Variants in SELENOT observed in about 807,000 individuals in gnomAD.
The protein encoded by SELENOT is selenoprotein T.
A neutral mutation model predicts 24.3 loss-of-function variants in SELENOT; 9 were observed. The ratio of observed to expected loss-of-function variants is 0.37; its 90% CI spans 0.22 to 0.65. The LOEUF (loss-of-function observed/expected upper bound fraction) is 0.65. Ranked by LOEUF, SELENOT falls within the 30% of genes least tolerant of loss-of-function variation. The pLI is 0.60. For synonymous variants in SELENOT, 81 were observed against 86.0 expected, an observed-to-expected ratio of 0.94 and a Z score of 0.32; for missense variants, 166 against 247.6, an observed-to-expected ratio of 0.67 and a Z score of 2.21.
rs537466095 is a variant in SELENOT, at chr3:150,611,493, G to A, written c.137+7994G>A. 23 of 1,153,226 alleles carry A rather than the reference G, an allele frequency of 2.0e-5. No individual in the cohort carries two copies. The East Asian group carries it at 4.9e-4, about 25-fold the overall frequency. 71.4% of individuals were successfully genotyped at this position (1,153,226 alleles called of 1,614,324 possible). A position where few individuals can be genotyped will look rare whatever the true frequency, so the allele number is the denominator to read the frequency against. On this transcript the variant is annotated intron_variant, in intron 1 of 5. Coordinates refer to ENST00000471696, the MANE Select transcript of SELENOT (RefSeq NM_016275.5). The stretch of plus-strand genomic sequence containing the variant: ...GGTATAAATCAACCTCTGGGGTATC[G>A]AAATCTTGAACAGGTGAATCACCTC...
chr3:150,611,675 G>A lies in SELENOT; in HGVS notation c.137+8176G>A. The A allele has an allele frequency of 3.7e-6, 6 of 1,602,212 alleles. No individual in the cohort carries two copies. In the East Asian group the frequency reaches 6.7e-5, roughly 18 times the overall value. On this transcript the variant is annotated intron_variant, in intron 1 of 5. Transcript: ENST00000471696. ...GGATCCTCTTGCTGAAGCTGGCGTT[G>A]CCTGCTGCCCGACCGCACCGCTCAC...
At chr3:150,609,081 G>A (rs989952727) in intron 1 of SELENOT, among the ~76,000 whole-genome samples, 5 of 152,132 alleles carry the variant, frequency 3.3e-5, no homozygotes, top group African/African-American at 1.2e-4. Context: ...CAGTTCTTAG[G>A]GGGAATGCTT....
intron 1 of SELENOT, chr3:150,603,709 T>C (rs1327489273): frequency 1.9e-6 from 1 of 537,498 alleles, no homozygotes; most frequent in Non-Finnish European, 3.2e-6. Flanking sequence ...ACTTGTTTTT[T>C]GCCTCCTAGA....
At chr3:150,611,926 G>A in intron 1 of SELENOT, 2 of 941,016 alleles carry the variant, frequency 2.1e-6, no homozygotes, top group South Asian at 3.1e-5. Context: ...CCACTCTCCT[G>A]GCCGCTCCGT....
Position 150,629,524 on chromosome 3 carries a change from A to AT in SELENOT, c.*1896dup, listed in dbSNP as rs1028948887. On this transcript the variant is annotated 3_prime_UTR_variant, in exon 6 of 6. Transcript: ENST00000471696. ...TTCCACTAGTGCCATAGTTAACTTC[A>AT]TGACATGTAGACATTCAAAACTTGA... is the stretch of plus-strand genomic sequence containing the variant. The AT allele has an allele frequency of 2.0e-5, 3 of 152,634 alleles. No individual in the cohort carries two copies. Among genetic ancestry groups the AT allele is most frequent in the Non-Finnish European group, 4.4e-5 (3 of 68,036 alleles). The allele number at this position is 152,634 out of a possible 1,614,324, so 9.5% of individuals were successfully genotyped here.
intron 1 of SELENOT, among the ~76,000 whole-genome samples, chr3:150,612,734 G>A (rs1283978165): frequency 2.0e-5 from 3 of 152,288 alleles, no homozygotes; most frequent in Admixed American, 2.0e-4. Flanking sequence ...CTGCTGGTAA[G>A]CCTATTTTAT....
At position 150,603,323 on chromosome 3, in the gene SELENOT, A is replaced by T. The variant is rs772142117; in HGVS notation, c.-40A>T. 2.5e-6 allele frequency: 4 copies of T among 1,591,772 alleles called. No individual in the cohort carries two copies. Among genetic ancestry groups the T allele is most frequent in the Non-Finnish European group, 3.4e-6 (4 of 1,164,346 alleles). On this transcript the variant is annotated 5_prime_UTR_variant, in exon 1 of 6. Coordinates refer to ENST00000471696, the MANE Select transcript of SELENOT (RefSeq NM_016275.5). The stretch of plus-strand genomic sequence containing the variant: ...CGCTCCTGGGCTTTGGGCTGGCTGC[A>T]GTCTGTCTGAGGGCGGCCGAAGTGG...
At chr3:150,610,027 T>G (rs1726055351) in intron 1 of SELENOT, among the ~76,000 whole-genome samples, 1 of 152,236 alleles carries the variant, frequency 6.6e-6, no homozygotes. Context: ...GTTTAATGTT[T>G]TAAAAGGTAA....
At chr3:150,627,206 T>G in intron 5 of SELENOT, 43 bp downstream of exon 5, 6 of 1,412,482 alleles carry the variant, frequency 4.2e-6, no homozygotes, top group Non-Finnish European at 5.8e-6. Context: ...TTTCTGTTGA[T>G]TCTTATGACT....
In SELENOT at chr3:150,603,478, C is replaced by T. The variant is rs1251859829; in HGVS notation, c.116C>T (p.Pro39Leu). The T allele has an allele frequency of 1.2e-6, 2 of 1,607,680 alleles. No homozygotes were observed. Among genetic ancestry groups the T allele is most frequent in the Non-Finnish European group, 8.5e-7 (1 of 1,175,664 alleles). ...KRLKMQYATGPLLKFQICVSU... is the reference protein window; with the variant it reads ...KRLKMQYATGLLLKFQICVSU... Reference sequence around the variant, plus strand: ...TTAAAGATGCAGTACGCCACGGGGCCGCTGCTCAAGTTCCAGATTTGGTGA... The same window carrying T: ...TTAAAGATGCAGTACGCCACGGGGCTGCTGCTCAAGTTCCAGATTTGGTGA... The change falls in exon 1 of 6, where the codon CCG becomes CTG. Residue 39 changes from proline (P) to leucine (L), a missense_variant. Physicochemically the swap from Pro to Leu is moderately conservative, Grantham distance 98. Coordinates refer to ENST00000471696, the MANE Select transcript of SELENOT (RefSeq NM_016275.5).
At position 150,629,657 on chromosome 3, in the gene SELENOT, A is replaced by G. The variant is rs1475492963; in HGVS notation, c.*2028A>G. The G allele has an allele frequency of 6.6e-6, 1 of 152,622 alleles. No individual in the cohort carries two copies. The highest frequency in any genetic ancestry group is 1.9e-4 in the East Asian group (1 of 5,204). The allele number at this position is 152,622 out of a possible 1,614,324, so 9.5% of individuals were successfully genotyped here. A position where few individuals can be genotyped will look rare whatever the true frequency, so the allele number is the denominator to read the frequency against. ...TTGAATAACTTATCTTTTGGAGAAT[A>G]GCTTTAAGTGGCTTAGACACTGATA... is the stretch of plus-strand genomic sequence containing the variant. On this transcript the variant is annotated 3_prime_UTR_variant, in exon 6 of 6. Coordinates refer to ENST00000471696, the MANE Select transcript of SELENOT (RefSeq NM_016275.5).
chr3:150,622,452 A>G lies in SELENOT; in HGVS notation c.205A>G (p.Ile69Val). Residue 69 changes from isoleucine (I) to valine (V), a missense_variant, in exon 2 of 6, where the codon ATC becomes GTC. By Grantham distance (29) the Ile-to-Val change is conservative. Transcript: ENST00000471696. Reference sequence around the variant, plus strand: ...GGTTATTAGCCAGCGGTACCCAGACATCCGCATTGAAGGAGAGAATTACCT... The same window carrying G: ...GGTTATTAGCCAGCGGTACCCAGACGTCCGCATTGAAGGAGAGAATTACCT... ...MRVISQRYPD[I>V]RIEGENYLPQ... The G allele has an allele frequency of 6.6e-7, 1 of 1,504,990 alleles. No individual in the cohort carries two copies. The highest frequency in any genetic ancestry group is 8.9e-7 in the Non-Finnish European group (1 of 1,118,132). 93.2% of individuals were successfully genotyped at this position (1,504,990 alleles called of 1,614,324 possible). A position where few individuals can be genotyped will look rare whatever the true frequency, so the allele number is the denominator to read the frequency against.
Position 150,611,004 on chromosome 3 carries a change from C to CGTGTGTGTGTGTGT in SELENOT, c.137+7524_137+7537dup, listed in dbSNP as rs113532087. The stretch of plus-strand genomic sequence containing the variant: ...GCCACAGTACTATTGCATCATGAGT[C>CGTGTGTGTGTGTGT]GTGTGTGTGTGTGTGTGTGTGTGTG... On this transcript the variant is annotated intron_variant, in intron 1 of 5. Transcript: ENST00000471696. 5.0e-3 allele frequency among the ~76,000 whole-genome samples: 725 copies of CGTGTGTGTGTGTGT among 145,478 alleles called. 9 individuals carry two copies. The highest frequency in any genetic ancestry group is 0.033 in the East Asian group (163 of 4,976).
At chr3:150,609,256 T>C (rs1726032555) in intron 1 of SELENOT, among the ~76,000 whole-genome samples, 1 of 152,186 alleles carries the variant, frequency 6.6e-6, no homozygotes, top group Non-Finnish European at 1.5e-5. Flanking sequence ...CCTCTACAGG[T>C]GGGACTATAA....
At chr3:150,623,246 G>T in intron 3 of SELENOT, 77 bp downstream of exon 3, 4 of 1,264,166 alleles carry the variant, frequency 3.2e-6, no homozygotes, top group East Asian at 2.9e-5. Flanking sequence ...TTCTTATTTT[G>T]AATACTTGTT....
rs1726512900 is a variant in SELENOT at position 150,629,537 on chromosome 3, A to G, written c.*1908A>G. The G allele has an allele frequency of 1.3e-5, 2 of 152,642 alleles. No homozygotes were observed. The highest frequency in any genetic ancestry group is 2.9e-5 in the Non-Finnish European group (2 of 68,040). 9.5% of individuals were successfully genotyped at this position (152,642 alleles called of 1,614,324 possible). A position where few individuals can be genotyped will look rare whatever the true frequency, so the allele number is the denominator to read the frequency against. On this transcript the variant is annotated 3_prime_UTR_variant, in exon 6 of 6. Transcript: ENST00000471696. Reference sequence around the variant, plus strand: ...ATAGTTAACTTCATGACATGTAGACATTCAAAACTTGAGCCTTGGATGTTC... The same window carrying G: ...ATAGTTAACTTCATGACATGTAGACGTTCAAAACTTGAGCCTTGGATGTTC...
At chr3:150,626,892 C>A in intron 4 of SELENOT, 118 bp from the exon 5 acceptor site, 1 of 994,276 alleles carries the variant, frequency 1.0e-6, no homozygotes, top group Non-Finnish European at 1.5e-6. Context: ...AAGCAGTGTA[C>A]TTTTTTGCCT....
At chr3:150,626,802 A>G in intron 4 of SELENOT, 1 of 519,828 alleles carries the variant, frequency 1.9e-6, no homozygotes, top group Non-Finnish European at 3.4e-6. Flanking sequence ...TTTTAGTTCT[A>G]AGTACACAAT....
At chr3:150,605,899 C>CT (rs1269373161) in intron 1 of SELENOT, among the ~76,000 whole-genome samples, 1 of 152,192 alleles carries the variant, frequency 6.6e-6, no homozygotes, top group African/African-American at 2.4e-5. Context: ...TAAAATGCAG[C>CT]TTTTCATTAA....
Sources: allele counts gnomAD v4.1 joint callset (sites outside exome capture counted in the v4.1 genomes callset), GRCh38; gene constraint gnomAD v4.1.1; transcripts MANE v1.5; gene names NCBI Gene and HGNC (gene_info 2026-07-23, HGNC 2026-07-21).